The following CNTNAP2 variants were observed in gnomAD, a reference collection of about 807,000 sequenced individuals.
The protein encoded by CNTNAP2 is contactin associated protein 2, also known as contactin-associated protein-like 2.
In CNTNAP2, 98 loss-of-function variants were observed where a neutral mutation model predicts 155.2. The observed-to-expected ratio is 0.63, with a 90% CI of 0.54 to 0.75. The LOEUF (loss-of-function observed/expected upper bound fraction) is 0.75. Among genes scored for constraint, CNTNAP2 ranks in the 30% least tolerant of loss-of-function variants. The pLI, the probability that CNTNAP2 is intolerant of heterozygous loss-of-function variation, is 0.00. For synonymous variants in CNTNAP2, 651 were observed against 631.2 expected (o/e 1.03, Z -0.47); for missense variants, 1,727 against 1,688.1 (o/e 1.02, Z -0.40).
At chr7:147,757,078 A>G (rs1797222459) in intron 13 of CNTNAP2, among the ~76,000 whole-genome samples, 1 of 152,124 alleles carries the variant, frequency 6.6e-6, no homozygotes, top group Non-Finnish European at 1.5e-5. Flanking sequence ...ATGTCACCCT[A>G]CCTGTTTTTA....
chr7:148,028,571 G>A (rs561065881), intron 15 of CNTNAP2, among the ~76,000 whole-genome samples: 3 of 152,264 alleles, frequency 2.0e-5, no homozygotes, highest in African/African-American at 4.8e-5. Flanking sequence ...ACAAGACCCC[G>A]TCTCAAAATA....
At chr7:147,715,129 T>C (rs1436882421) in intron 13 of CNTNAP2, among the ~76,000 whole-genome samples, 1 of 152,162 alleles carries the variant, frequency 6.6e-6, no homozygotes, top group Non-Finnish European at 1.5e-5. Flanking sequence ...ATAAAACTGC[T>C]ATAAACCTTG....
chr7:146,643,374 A>G (rs1352706149), intron 1 of CNTNAP2, among the ~76,000 whole-genome samples: 1 of 151,982 alleles, frequency 6.6e-6, no homozygotes, highest in Non-Finnish European at 1.5e-5. Flanking sequence ...AGCTTTCTAC[A>G]TATGGCTAGC....
At chr7:147,819,343 T>G (rs983535607) in intron 13 of CNTNAP2, among the ~76,000 whole-genome samples, 27 of 152,184 alleles carry the variant, frequency 1.8e-4, no homozygotes, top group Admixed American at 6.5e-5. Flanking sequence ...CTTCAGCTTT[T>G]CAACAACGTT....
chr7:148,219,514 C>T (rs1795705469), intron 19 of CNTNAP2, among the ~76,000 whole-genome samples: 1 of 152,100 alleles, frequency 6.6e-6, no homozygotes, highest in South Asian at 2.1e-4. Context: ...GGCGACATAG[C>T]AAGACACCAT....
chr7:147,469,859 T>C (rs921469666), intron 10 of CNTNAP2, among the ~76,000 whole-genome samples: 2 of 152,076 alleles, frequency 1.3e-5, no homozygotes, highest in Non-Finnish European at 2.9e-5. Flanking sequence ...CAGGCCTCAT[T>C]GGGATGGCAT....
chr7:148,095,296 T>C (rs1180266351), intron 15 of CNTNAP2, among the ~76,000 whole-genome samples: 1 of 152,244 alleles, frequency 6.6e-6, no homozygotes, highest in Non-Finnish European at 1.5e-5. Flanking sequence ...CTCCTGCTCA[T>C]GGAAACCTCA....
chr7:147,968,056 C>A (rs1801255052), intron 14 of CNTNAP2, among the ~76,000 whole-genome samples: 1 of 152,040 alleles, frequency 6.6e-6, no homozygotes, highest in Non-Finnish European at 1.5e-5. Flanking sequence ...TATGTTTATT[C>A]ATGTATTTAT....
chr7:147,204,998 T>A (rs1802993108), intron 8 of CNTNAP2, among the ~76,000 whole-genome samples: 1 of 152,148 alleles, frequency 6.6e-6, no homozygotes, highest in East Asian at 1.9e-4. Flanking sequence ...TGTCTGTTTT[T>A]GTGCCAGTAC....
At chr7:146,828,027 G>A (rs1803440164) in intron 2 of CNTNAP2, among the ~76,000 whole-genome samples, 1 of 151,892 alleles carries the variant, frequency 6.6e-6, no homozygotes, top group South Asian at 2.1e-4. Context: ...AAGATTTTTT[G>A]TACATTCTCT....
At chr7:147,545,595 T>C (rs1260476965) in intron 11 of CNTNAP2, among the ~76,000 whole-genome samples, 2 of 152,196 alleles carry the variant, frequency 1.3e-5, no homozygotes, top group Admixed American at 1.3e-4. Context: ...CATGCAGCTG[T>C]AGTCAAATGA....
intron 21 of CNTNAP2, among the ~76,000 whole-genome samples, chr7:148,275,414 A>G (rs1796854872): frequency 6.6e-6 from 1 of 152,162 alleles, no homozygotes; most frequent in African/African-American, 2.4e-5. Context: ...GATCTGGGTA[A>G]AGCAATGGGC....
chr7:147,135,046 A>G (rs1234008043), intron 8 of CNTNAP2, among the ~76,000 whole-genome samples: 1 of 151,918 alleles, frequency 6.6e-6, no homozygotes, highest in Non-Finnish European at 1.5e-5. Flanking sequence ...ATGGTCCAGG[A>G]TGAATGTAAC....
chr7:146,283,093 G>T (rs1800275460), intron 1 of CNTNAP2, among the ~76,000 whole-genome samples: 1 of 152,100 alleles, frequency 6.6e-6, no homozygotes, highest in South Asian at 2.1e-4. Flanking sequence ...CCTTTTAATA[G>T]GAAACTCGAG....
At chr7:146,270,646 G>A (rs1800067000) in intron 1 of CNTNAP2, among the ~76,000 whole-genome samples, 1 of 151,998 alleles carries the variant, frequency 6.6e-6, no homozygotes, top group Non-Finnish European at 1.5e-5. Context: ...TCTTTGAATA[G>A]ATTATCTGAA....
At chr7:146,203,343 C>A (rs1489968553) in intron 1 of CNTNAP2, among the ~76,000 whole-genome samples, 2 of 152,178 alleles carry the variant, frequency 1.3e-5, no homozygotes, top group African/African-American at 4.8e-5. Context: ...TCCTACAAAC[C>A]CTTCCTTTGG....
intron 1 of CNTNAP2, among the ~76,000 whole-genome samples, chr7:146,174,676 T>C (rs1417508604): frequency 1.3e-5 from 2 of 151,934 alleles, no homozygotes; most frequent in African/African-American, 4.8e-5. Context: ...CATCCATCTC[T>C]ACTAAGAACA....
intron 8 of CNTNAP2, among the ~76,000 whole-genome samples, chr7:147,195,875 G>T (rs562006189): frequency 1.3e-5 from 2 of 152,134 alleles, no homozygotes; most frequent in East Asian, 1.9e-4. Context: ...TGGGCTAAAT[G>T]GTGTCTCTCC....
At chr7:146,525,566 ATCTATCTATCTC>A (rs879890635) in intron 1 of CNTNAP2, among the ~76,000 whole-genome samples, 4,084 of 146,596 alleles carry the variant, frequency 0.028, 162 homozygotes, top group African/African-American at 0.098. Flanking sequence ...CTATCTATCT[ATCTATCTATCTC>A]TCTATCTATC....
Sources: allele counts gnomAD v4.1 joint callset (sites outside exome capture counted in the v4.1 genomes callset), GRCh38; gene constraint gnomAD v4.1.1; transcripts MANE v1.5; gene names NCBI Gene and HGNC (gene_info 2026-07-23, HGNC 2026-07-21).